Variants in ODAD2 observed in about 807,000 individuals in gnomAD.
The protein encoded by ODAD2 is outer dynein arm docking complex subunit 2.
A neutral mutation model predicts 106.8 loss-of-function variants in ODAD2; 89 were observed. The ratio of observed to expected loss-of-function variants is 0.83; its 90% CI spans 0.70 to 0.99. ODAD2 has a LOEUF of 0.99. Among genes scored for constraint, ODAD2 ranks in the 50% least tolerant of loss-of-function variants. The pLI is 0.00. For synonymous variants in ODAD2, 404 were observed against 436.2 expected (o/e 0.93, Z 0.92); for missense variants, 1,168 against 1,238.5 (o/e 0.94, Z 0.85).
intron 1 of ODAD2, among the ~76,000 whole-genome samples, chr10:27,996,998 T>C (rs1212973299): frequency 6.6e-6 from 1 of 152,222 alleles, no homozygotes; most frequent in Non-Finnish European, 1.5e-5. Flanking sequence ...TGTAAGATTA[T>C]AATCTATGAT....
At chr10:27,988,522 A>G (rs1262862346) in intron 2 of ODAD2, among the ~76,000 whole-genome samples, 1 of 151,840 alleles carries the variant, frequency 6.6e-6, no homozygotes. Flanking sequence ...TTTTTAGTAG[A>G]CAACGGGGTT....
intron 14 of ODAD2, among the ~76,000 whole-genome samples, chr10:27,937,945 T>G (rs1846107905): frequency 6.6e-6 from 1 of 151,790 alleles, no homozygotes; most frequent in Admixed American, 6.5e-5. Flanking sequence ...TATAGAGGTT[T>G]TTTGTTTTTT....
chr10:27,845,470 C>A (rs1242809855), intron 19 of ODAD2, among the ~76,000 whole-genome samples: 2 of 152,100 alleles, frequency 1.3e-5, no homozygotes, highest in African/African-American at 4.8e-5. Flanking sequence ...CAAAAACATG[C>A]CAAAATGTAA....
intron 19 of ODAD2, among the ~76,000 whole-genome samples, chr10:27,818,509 C>A (rs1204853443): frequency 6.6e-6 from 1 of 152,096 alleles, no homozygotes; most frequent in Non-Finnish European, 1.5e-5. Context: ...ACAGCCAGGT[C>A]ATCACAATGA....
intron 1 of ODAD2, 45 bp from the exon 2 acceptor site, chr10:27,995,225 TC>T: frequency 6.5e-7 from 1 of 1,533,704 alleles, no homozygotes; most frequent in Non-Finnish European, 8.8e-7. Context: ...GTCCACCTTT[TC>T]CTTGGAACAT....
chr10:27,918,268 T>C (rs895393236), intron 16 of ODAD2, among the ~76,000 whole-genome samples: 1 of 151,702 alleles, frequency 6.6e-6, no homozygotes, highest in Non-Finnish European at 1.5e-5. Context: ...AAACACAAAA[T>C]ATAAAATATC....
chr10:27,998,169 A>T (rs1335872346), intron 1 of ODAD2, among the ~76,000 whole-genome samples: 1 of 152,212 alleles, frequency 6.6e-6, no homozygotes, highest in African/African-American at 2.4e-5. Context: ...AGATCTATGA[A>T]ATGTGGTTGG....
At chr10:27,973,303 G>T (rs1445905441) in intron 7 of ODAD2, among the ~76,000 whole-genome samples, 8 of 151,976 alleles carry the variant, frequency 5.3e-5, no homozygotes, top group Admixed American at 5.2e-4. Context: ...ACACCAGCCT[G>T]GCCAACATGG....
chr10:27,960,073 A>G (rs1337867388), intron 10 of ODAD2, among the ~76,000 whole-genome samples: 1 of 152,054 alleles, frequency 6.6e-6, no homozygotes, highest in Admixed American at 6.5e-5. Flanking sequence ...TAATATTTAT[A>G]AAGTATCACG....
chr10:27,952,074 C>CAAAAAAAAAAAAAAAAAAA lies in ODAD2; in HGVS notation c.1387-7113_1387-7112insTTTTTTTTTTTTTTTTTTT, dbSNP rs71388944. Among the ~76,000 whole-genome samples the CAAAAAAAAAAAAAAAAAAA allele has an allele frequency of 5.4e-3, 235 of 43,878 alleles. 6 individuals are homozygous for CAAAAAAAAAAAAAAAAAAA. The highest frequency in any genetic ancestry group is 7.2e-3 in the African/African-American group (90 of 12,566). 28.8% of individuals were successfully genotyped at this position (43,878 alleles called of 152,430 possible). On this transcript the variant is annotated intron_variant, in intron 10 of 19. Coordinates refer to ENST00000305242, the MANE Select transcript of ODAD2 (RefSeq NM_018076.5). ...TGGGCAACAGACTGAGATGCCAACTCAAAAAAAAAAAAAAAAAAGACACAC... is the reference window on the plus strand; with the variant it reads ...TGGGCAACAGACTGAGATGCCAACTCAAAAAAAAAAAAAAAAAAAAAAAAAAAAAAAAAAAAAGACACAC...
intron 19 of ODAD2, among the ~76,000 whole-genome samples, chr10:27,843,847 T>C (rs1838500140): frequency 1.3e-5 from 2 of 152,062 alleles, no homozygotes; most frequent in African/African-American, 4.8e-5. Flanking sequence ...TAAAGATTTG[T>C]TTTTTCAAAA....
chr10:27,984,870 CTTTTTAAT>C (rs1247838351), intron 4 of ODAD2, 141 bp downstream of exon 4: 1 of 373,560 alleles, frequency 2.7e-6, no homozygotes, highest in African/African-American at 2.1e-5. Context: ...TTAAAGGTTC[CTTTTTAAT>C]TTTTTAATTT....
intron 9 of ODAD2, among the ~76,000 whole-genome samples, chr10:27,964,377 G>C (rs1324831734): frequency 6.6e-6 from 1 of 152,096 alleles, no homozygotes; most frequent in African/African-American, 2.4e-5. Context: ...CTGCAAATTG[G>C]GGATGATAAT....
intron 7 of ODAD2, among the ~76,000 whole-genome samples, chr10:27,978,520 T>C (rs538539621): frequency 8.5e-4 from 129 of 152,208 alleles, no homozygotes; most frequent in African/African-American, 2.9e-3. Context: ...GAGCCGGGCA[T>C]GGTGGCTCAC....
intron 7 of ODAD2, among the ~76,000 whole-genome samples, chr10:27,974,747 T>A (rs1849086499): frequency 6.6e-6 from 1 of 151,868 alleles, no homozygotes; most frequent in African/African-American, 2.4e-5. Flanking sequence ...CCATATGAAT[T>A]TTAAAATAGT....
At chr10:27,873,640 T>C (rs2133467350) in intron 17 of ODAD2, among the ~76,000 whole-genome samples, 1 of 152,220 alleles carries the variant, frequency 6.6e-6, no homozygotes, top group East Asian at 1.9e-4. Context: ...GAGCAGGTTG[T>C]TCAGTTTCCA....
intron 17 of ODAD2, among the ~76,000 whole-genome samples, chr10:27,880,184 C>A (rs1247207986): frequency 1.3e-5 from 2 of 152,164 alleles, no homozygotes; most frequent in African/African-American, 4.8e-5. Flanking sequence ...CTGTCCTGCC[C>A]TTACAGGATT....
chr10:27,899,945 G>A (rs1045689247), intron 17 of ODAD2, among the ~76,000 whole-genome samples: 1 of 152,174 alleles, frequency 6.6e-6, no homozygotes, highest in Admixed American at 6.5e-5. Flanking sequence ...GGATCTCTCA[G>A]CACAGCACTC....
intron 19 of ODAD2, among the ~76,000 whole-genome samples, chr10:27,818,313 A>C (rs1317934153): frequency 6.6e-6 from 1 of 152,000 alleles, no homozygotes; most frequent in East Asian, 1.9e-4. Flanking sequence ...CGATTATAGG[A>C]TTTTAAAGTT....
Sources: allele counts gnomAD v4.1 joint callset (sites outside exome capture counted in the v4.1 genomes callset), GRCh38; gene constraint gnomAD v4.1.1; transcripts MANE v1.5; gene names NCBI Gene and HGNC (gene_info 2026-07-23, HGNC 2026-07-21).